SLC22A23: variants seen among roughly 807,000 people sequenced by gnomAD.
SLC22A23 encodes the protein ion transporter protein.
In SLC22A23, 26 loss-of-function variants were observed where a neutral mutation model predicts 61.0. The observed-to-expected ratio is 0.43, with a 90% CI of 0.31 to 0.59. SLC22A23 has a LOEUF of 0.59. Among genes scored for constraint, SLC22A23 ranks in the 20% least tolerant of loss-of-function variants. The pLI, the probability that SLC22A23 is intolerant of heterozygous loss-of-function variation, is 0.11. For missense variants in SLC22A23, 796 were observed against 934.7 expected, an observed-to-expected ratio of 0.85 and a Z score of 1.94; for synonymous variants, 430 against 413.9, an observed-to-expected ratio of 1.04 and a Z score of -0.47.
chr6:3,298,093 G>C lies in SLC22A23; in HGVS notation c.1208C>G (p.Pro403Arg). The change falls in exon 5 of 10, where the codon CCA becomes CGA. Residue 403 changes from proline to arginine, a missense_variant and splice_region_variant. Coordinates refer to ENST00000406686, the MANE Select transcript of SLC22A23 (RefSeq NM_015482.2). ...NPEGDIKGVIPELEKELSRRP... is the reference protein window; with the variant it reads ...NPEGDIKGVIRELEKELSRRP... ...CTGCCAGCCCGCGGTGTGCTCACCT[G>C]GTATCACACCCTTGATGTCGCCCTC... 1 of 1,555,308 alleles carries C rather than the reference G, an allele frequency of 6.4e-7. No homozygotes were observed. Among genetic ancestry groups the C allele is most frequent in the Non-Finnish European group, 8.7e-7 (1 of 1,154,818 alleles).
intron 3 of SLC22A23, among the ~76,000 whole-genome samples, chr6:3,362,162 G>A (rs1056342136): frequency 6.6e-6 from 1 of 151,812 alleles, no homozygotes; most frequent in African/African-American, 2.4e-5. Context: ...CTAGGACTTT[G>A]AGAGGCCGAG....
At chr6:3,418,280 A>G (rs1769872670) in intron 1 of SLC22A23, among the ~76,000 whole-genome samples, 1 of 152,242 alleles carries the variant, frequency 6.6e-6, no homozygotes, top group Admixed American at 6.5e-5. Flanking sequence ...GTCTCCCCCA[A>G]GACTTCCCAT....
At chr6:3,334,167 TTTTTTA>T in intron 3 of SLC22A23, among the ~76,000 whole-genome samples, 1 of 152,368 alleles carries the variant, frequency 6.6e-6, no homozygotes, top group East Asian at 1.9e-4. Flanking sequence ...CTGTTTTTAT[TTTTTTA>T]TTTTTGAGAT....
rs1223469515 is a variant in SLC22A23, at chr6:3,271,824, G to C, written c.*1231C>G. The C allele has an allele frequency of 6.6e-6, 1 of 152,440 alleles. No individual in the cohort carries two copies. Among genetic ancestry groups the C allele is most frequent in the African/African-American group, 2.4e-5 (1 of 41,474 alleles). 9.4% of individuals were successfully genotyped at this position (152,440 alleles called of 1,614,324 possible). On this transcript the variant is annotated 3_prime_UTR_variant, in exon 10 of 10. Transcript: ENST00000406686. Reference sequence around the variant, plus strand: ...ACCCATGGAGGTCGAGGCAGGGGCAGCGTTGAGCTTTGGTGAGTTATTGCT... The same window carrying C: ...ACCCATGGAGGTCGAGGCAGGGGCACCGTTGAGCTTTGGTGAGTTATTGCT...
intron 3 of SLC22A23, among the ~76,000 whole-genome samples, chr6:3,347,999 C>T (rs1445473059): frequency 6.6e-6 from 1 of 152,204 alleles, no homozygotes; most frequent in Non-Finnish European, 1.5e-5. Context: ...CTCTCCACTC[C>T]TTCATCTAAC....
intron 3 of SLC22A23, among the ~76,000 whole-genome samples, chr6:3,389,268 CAAAAA>C (rs61020784): frequency 3.7e-4 from 12 of 32,592 alleles, no homozygotes; most frequent in African/African-American, 1.9e-3. Context: ...AACTCTGTCT[CAAAAA>C]AAAAAAAAAA....
intron 1 of SLC22A23, among the ~76,000 whole-genome samples, chr6:3,452,987 A>G (rs1454043647): frequency 6.6e-6 from 1 of 152,206 alleles, no homozygotes; most frequent in African/African-American, 2.4e-5. Flanking sequence ...TGGAAGCAGA[A>G]GTATGTCATG....
At chr6:3,429,410 C>T (rs893818289) in intron 1 of SLC22A23, among the ~76,000 whole-genome samples, 1 of 152,196 alleles carries the variant, frequency 6.6e-6, no homozygotes, top group Non-Finnish European at 1.5e-5. Context: ...TAAAATTCCA[C>T]TTCCTTGAGA....
At chr6:3,292,676 C>T (rs1235598464) in intron 5 of SLC22A23, among the ~76,000 whole-genome samples, 1 of 152,250 alleles carries the variant, frequency 6.6e-6, no homozygotes, top group Non-Finnish European at 1.5e-5. Context: ...GGTCTGGGTG[C>T]TGTGAGGGGC....
intron 3 of SLC22A23, among the ~76,000 whole-genome samples, chr6:3,405,462 A>G (rs2127505366): frequency 6.6e-6 from 1 of 152,240 alleles, no homozygotes; most frequent in African/African-American, 2.4e-5. Context: ...GCACGTATTC[A>G]TGCGAAACTT....
At chr6:3,373,238 G>C (rs1371433273) in intron 3 of SLC22A23, among the ~76,000 whole-genome samples, 1 of 152,214 alleles carries the variant, frequency 6.6e-6, no homozygotes, top group Non-Finnish European at 1.5e-5. Flanking sequence ...AGACAACCCT[G>C]GACATGTGTT....
At chr6:3,299,196 G>C (rs1761398292) in intron 4 of SLC22A23, among the ~76,000 whole-genome samples, 1 of 152,208 alleles carries the variant, frequency 6.6e-6, no homozygotes, top group Admixed American at 6.5e-5. Context: ...TCTACCAGCT[G>C]TGTCAAGAAA....
intron 9 of SLC22A23, among the ~76,000 whole-genome samples, chr6:3,280,338 C>T (rs1044956119): frequency 6.6e-6 from 1 of 152,130 alleles, no homozygotes; most frequent in Non-Finnish European, 1.5e-5. Flanking sequence ...TGGTTCCTTC[C>T]CAGGCTCCGG....
chr6:3,442,838 AAC>A (rs1771683892), intron 1 of SLC22A23, among the ~76,000 whole-genome samples: 1 of 152,168 alleles, frequency 6.6e-6, no homozygotes, highest in Non-Finnish European at 1.5e-5. Flanking sequence ...ACACCTGATA[AAC>A]ACTTAACTAG....
At position 3,297,563 on chromosome 6, in the gene SLC22A23, C is replaced by T. The variant is rs1011553658; in HGVS notation, c.1210+528G>A. On this transcript the variant is annotated intron_variant, in intron 5 of 9. Coordinates refer to ENST00000406686, the MANE Select transcript of SLC22A23 (RefSeq NM_015482.2). This position sits in a 1 kb window ranked among gnomAD's most constrained non-coding sequence, Gnocchi z 4.3. ...ATACGTGGATCCCCAGGTTGAGAAC[C>T]CCCACCTAGCTGTGGTAACGCTCCT... Among the ~76,000 whole-genome samples the T allele has an allele frequency of 9.8e-5, 15 of 152,302 alleles. No individual in the cohort carries two copies. The East Asian group carries it at 2.7e-3, about 27-fold the overall frequency.
rs1321806303 is a variant in SLC22A23 at position 3,455,860 on chromosome 6, GTCT to G, written c.654+43_654+45del. On this transcript the variant is annotated intron_variant, in intron 1 of 9. Transcript: ENST00000406686. ...CCCGCTGGCTCGGGCTTGGACCTCGGTCTGCAGGGAGAGGGTTGGAGGGACTGG... is the reference window on the plus strand; with the variant it reads ...CCCGCTGGCTCGGGCTTGGACCTCGGGCAGGGAGAGGGTTGGAGGGACTGG... 3.4e-6 allele frequency: 5 copies of G among 1,458,318 alleles called. No homozygotes were observed. In the South Asian group the frequency reaches 5.6e-5, roughly 16 times the overall value. 90.3% of individuals were successfully genotyped at this position (1,458,318 alleles called of 1,614,324 possible).
intron 1 of SLC22A23, among the ~76,000 whole-genome samples, chr6:3,432,980 C>A (rs996057707): frequency 2.0e-5 from 3 of 152,352 alleles, no homozygotes; most frequent in Admixed American, 2.0e-4. Flanking sequence ...TGAAACCCTA[C>A]AAGCTGGGGC....
At chr6:3,368,367 G>A (rs755503667) in intron 3 of SLC22A23, among the ~76,000 whole-genome samples, 1 of 152,138 alleles carries the variant, frequency 6.6e-6, no homozygotes, top group Non-Finnish European at 1.5e-5. Flanking sequence ...CAGGGATACG[G>A]GAGGCCTCTG....
At chr6:3,366,402 C>T (rs1485648619) in intron 3 of SLC22A23, among the ~76,000 whole-genome samples, 2 of 148,180 alleles carry the variant, frequency 1.3e-5, no homozygotes, top group Admixed American at 6.7e-5. Context: ...GATGTCACTA[C>T]GTTAGGGCTG....
Sources: allele counts gnomAD v4.1 joint callset (sites outside exome capture counted in the v4.1 genomes callset), GRCh38; gene constraint gnomAD v4.1.1; non-coding constraint Gnocchi (gnomAD v3.1); transcripts MANE v1.5; gene names NCBI Gene and HGNC (gene_info 2026-07-23, HGNC 2026-07-21).